The following TMEM178B variants were observed in gnomAD, a reference collection of about 807,000 sequenced individuals.
TMEM178B encodes the protein transmembrane protein 178B.
In TMEM178B, 5 loss-of-function variants were observed where a neutral mutation model predicts 31.0. That is an observed-to-expected ratio of 0.16 (90% confidence interval 0.08 to 0.34). The LOEUF (loss-of-function observed/expected upper bound fraction) is 0.34. Among genes scored for constraint, TMEM178B ranks in the 10% least tolerant of loss-of-function variants. The probability of loss-of-function intolerance (pLI) is 1.00; values close to 1 mark genes in which losing one functional copy is unlikely to be tolerated. For synonymous variants in TMEM178B, 164 were observed against 164.0 expected (o/e 1.00, Z 0.00); for missense variants, 275 against 400.3 (o/e 0.69, Z 2.67).
intron 1 of TMEM178B, among the ~76,000 whole-genome samples, chr7:141,094,431 T>G (rs1051750642): frequency 9.9e-5 from 15 of 152,222 alleles, no homozygotes; most frequent in Non-Finnish European, 2.1e-4. Context: ...AAAGTGAACC[T>G]TACTCTATTC....
chr7:141,384,739 T>C (rs1985581), intron 2 of TMEM178B, among the ~76,000 whole-genome samples: 21,829 of 152,182 alleles, frequency 0.14, 1,696 homozygotes, highest in Non-Finnish European at 0.17. Context: ...GTAGTTTTTT[T>C]CCAAATCTGT....
chr7:141,397,119 C>T (rs1175320232), intron 2 of TMEM178B, among the ~76,000 whole-genome samples: 1 of 152,144 alleles, frequency 6.6e-6, no homozygotes, highest in Non-Finnish European at 1.5e-5. Context: ...GAGGGCTGCA[C>T]AGAAGATGAA....
At chr7:141,128,800 C>T (rs1254508314) in intron 1 of TMEM178B, among the ~76,000 whole-genome samples, 1 of 152,066 alleles carries the variant, frequency 6.6e-6, no homozygotes, top group Non-Finnish European at 1.5e-5. Context: ...AGAAGCCAGG[C>T]CACATTCTCT....
intron 2 of TMEM178B, among the ~76,000 whole-genome samples, chr7:141,227,806 C>G (rs1797371097): frequency 6.6e-6 from 1 of 152,146 alleles, no homozygotes; most frequent in African/African-American, 2.4e-5. Flanking sequence ...AGCAGGGATT[C>G]TGAGGAGTAT....
At chr7:141,242,066 A>G (rs576724398) in intron 2 of TMEM178B, among the ~76,000 whole-genome samples, 15 of 152,342 alleles carry the variant, frequency 9.8e-5, no homozygotes, top group African/African-American at 3.4e-4. Context: ...TTCCAGACAT[A>G]TTTAAAAGCT....
intron 2 of TMEM178B, among the ~76,000 whole-genome samples, chr7:141,242,730 A>G (rs1455060270): frequency 6.6e-6 from 1 of 151,620 alleles, no homozygotes; most frequent in Non-Finnish European, 1.5e-5. Context: ...TTCAGTAGAG[A>G]CAGAGTTTCA....
intron 2 of TMEM178B, chr7:141,430,072 A>G (rs1307674194): frequency 6.6e-6 from 1 of 152,284 alleles, no homozygotes; most frequent in South Asian, 2.1e-4. Flanking sequence ...CTCTGCTATT[A>G]GCTGCTTTAG....
intron 2 of TMEM178B, among the ~76,000 whole-genome samples, chr7:141,213,562 A>G (rs1462099345): frequency 1.3e-5 from 2 of 152,118 alleles, no homozygotes; most frequent in African/African-American, 2.4e-5. Flanking sequence ...GTTTTCATCT[A>G]TATGTGAAGG....
intron 1 of TMEM178B, among the ~76,000 whole-genome samples, chr7:141,175,951 C>A (rs1192576565): frequency 2.6e-5 from 4 of 152,198 alleles, no homozygotes; most frequent in African/African-American, 9.7e-5. Context: ...CACTTTACTT[C>A]TTTCTCTTGC....
At chr7:141,200,230 T>C (rs1443485818) in intron 1 of TMEM178B, among the ~76,000 whole-genome samples, 1 of 152,014 alleles carries the variant, frequency 6.6e-6, no homozygotes, top group African/African-American at 2.4e-5. Flanking sequence ...TGTGGAAGCA[T>C]AGGTAGAGGT....
intron 1 of TMEM178B, among the ~76,000 whole-genome samples, chr7:141,146,738 A>G (rs1331594924): frequency 1.4e-4 from 22 of 152,150 alleles, no homozygotes; most frequent in Admixed American, 1.4e-3. Context: ...GAATGAATAT[A>G]TCCCAGTTAG....
At chr7:141,389,554 G>A (rs190957532) in intron 2 of TMEM178B, among the ~76,000 whole-genome samples, 5 of 152,296 alleles carry the variant, frequency 3.3e-5, no homozygotes, top group African/African-American at 7.2e-5. Context: ...GGGAGGCCCC[G>A]ATGTTCCCAT....
intron 1 of TMEM178B, among the ~76,000 whole-genome samples, chr7:141,100,088 G>A (rs562009022): frequency 3.3e-5 from 5 of 152,142 alleles, no homozygotes; most frequent in African/African-American, 4.8e-5. Context: ...CAAAGTGCTG[G>A]GATTACAGGC....
Position 141,400,605 on chromosome 7 carries a change from G to A in TMEM178B, c.497-37003G>A, listed in dbSNP as rs138793494. On this transcript the variant is annotated intron_variant, in intron 2 of 3. Transcript: ENST00000565468. ...AGGCAGCTGGCAGCTTTACATCAGAGTTAAGTCTTTCACGTAATTCTGTCA... is the reference window on the plus strand; with the variant it reads ...AGGCAGCTGGCAGCTTTACATCAGAATTAAGTCTTTCACGTAATTCTGTCA... Among the ~76,000 whole-genome samples the A allele has an allele frequency of 5.3e-5, 8 of 152,298 alleles. No homozygotes were observed. In the East Asian group the frequency reaches 1.5e-3, roughly 29 times the overall value.
At position 141,419,700 on chromosome 7, in the gene TMEM178B, T is replaced by G. The variant is rs553648893; in HGVS notation, c.497-17908T>G. Among the ~76,000 whole-genome samples, 3 of 152,300 alleles carry G rather than the reference T, an allele frequency of 2.0e-5. No homozygotes were observed. The East Asian group carries it at 5.8e-4, about 29-fold the overall frequency. Reference sequence around the variant, plus strand: ...AGTCCCTGGTGAGTGATTGACCAAGTGAATTCCTCATTAAAAGCAGTTTAA... The same window carrying G: ...AGTCCCTGGTGAGTGATTGACCAAGGGAATTCCTCATTAAAAGCAGTTTAA... On this transcript the variant is annotated intron_variant, in intron 2 of 3. Coordinates refer to ENST00000565468, the MANE Select transcript of TMEM178B (RefSeq NM_001195278.2).
Position 141,422,608 on chromosome 7 carries a change from ATT to A in TMEM178B, c.497-14999_497-14998del, listed in dbSNP as rs1174179878. Among the ~76,000 whole-genome samples the A allele has an allele frequency of 9.4e-4, 94 of 99,682 alleles. No individual in the cohort carries two copies. The highest frequency in any genetic ancestry group is 6.3e-3 in the Middle Eastern group (1 of 160). 65.4% of individuals were successfully genotyped at this position (99,682 alleles called of 152,430 possible). On this transcript the variant is annotated intron_variant, in intron 2 of 3. Transcript: ENST00000565468. This position sits in a 1 kb window ranked among gnomAD's most constrained non-coding sequence, Gnocchi z 4.2. ...GCAGCATGAAACAGCCTCTGGCCTC[ATT>A]GTTTCAGGCCACAGCTAGGCACCCT...
intron 3 of TMEM178B, among the ~76,000 whole-genome samples, chr7:141,465,713 C>T (rs1802137501): frequency 6.6e-6 from 1 of 152,112 alleles, no homozygotes; most frequent in South Asian, 2.1e-4. Flanking sequence ...TGGAGAGGTA[C>T]ATAAAAATAT....
intron 2 of TMEM178B, among the ~76,000 whole-genome samples, chr7:141,264,775 A>G (rs1798068077): frequency 6.6e-6 from 1 of 152,212 alleles, no homozygotes; most frequent in Non-Finnish European, 1.5e-5. Context: ...CTCTGGAGTC[A>G]ATGGAGGTTT....
rs1250209906 is a variant in TMEM178B at position 141,474,813 on chromosome 7, G to T, written c.*4027G>T. ...AGGATGTGCTGCTTAGGTCTCCAAA[G>T]ATGCCCACCTGGGTCAAATTCAGAA... On this transcript the variant is annotated 3_prime_UTR_variant, in exon 4 of 4. Coordinates refer to ENST00000565468, the MANE Select transcript of TMEM178B (RefSeq NM_001195278.2). The T allele has an allele frequency of 6.6e-6, 1 of 152,210 alleles. No individual in the cohort carries two copies. Among genetic ancestry groups the T allele is most frequent in the Non-Finnish European group, 1.5e-5 (1 of 68,046 alleles). 9.4% of individuals were successfully genotyped at this position (152,210 alleles called of 1,614,324 possible). A position where few individuals can be genotyped will look rare whatever the true frequency, so the allele number is the denominator to read the frequency against.
Sources: gnomAD v4.1 joint callset for allele counts (sites outside exome capture counted in the v4.1 genomes callset) on GRCh38, gnomAD v4.1.1 for gene constraint, Gnocchi (gnomAD v3.1) non-coding constraint, MANE v1.5 for transcripts, NCBI Gene and HGNC (gene_info 2026-07-23, HGNC 2026-07-21) for gene names.